The following SPRR2G variants were observed in gnomAD, a reference collection of about 807,000 sequenced individuals.
The protein encoded by SPRR2G is small proline-rich protein 2G.
SPRR2G carries 1 observed loss-of-function variant against 0.7 expected under a neutral mutation model. The ratio of observed to expected loss-of-function variants is 1.49; its 90% CI spans 0.53 to 7.06. SPRR2G has a LOEUF of 7.06. SPRR2G is among the 30% of genes most tolerant of loss of function. The pLI, the probability that SPRR2G is intolerant of heterozygous loss-of-function variation, is 0.14. For missense variants in SPRR2G, 96 were observed against 88.5 expected, an observed-to-expected ratio of 1.09 and a Z score of -0.34; for synonymous variants, 38 against 33.9, an observed-to-expected ratio of 1.12 and a Z score of -0.42.
chr1:153,163,306 G>T, the SPRR2G span, among the ~76,000 whole-genome samples: 3 of 152,172 alleles, frequency 2.0e-5, no homozygotes, highest in Non-Finnish European at 2.9e-5. Context: ...TATCTCATAG[G>T]TGAGGTTAAA....
the SPRR2G span, among the ~76,000 whole-genome samples, chr1:153,200,803 G>A: frequency 0.085 from 12,917 of 151,732 alleles, 591 homozygotes; most frequent in Middle Eastern, 0.25. Flanking sequence ...AGGTTCAAGC[G>A]ATTCTTCTGC....
chr1:153,192,048 G>T, the SPRR2G span, among the ~76,000 whole-genome samples: 1 of 152,244 alleles, frequency 6.6e-6, no homozygotes, highest in African/African-American at 2.4e-5. Flanking sequence ...GCTCACTAGA[G>T]AAGCCTCCTC....
At chr1:153,167,013 C>T in the SPRR2G span, among the ~76,000 whole-genome samples, 1 of 152,136 alleles carries the variant, frequency 6.6e-6, no homozygotes. Context: ...GATCCAGAAC[C>T]ATGGCATAAT....
chr1:153,161,884 C>G, the SPRR2G span, among the ~76,000 whole-genome samples: 1 of 152,218 alleles, frequency 6.6e-6, no homozygotes, highest in African/African-American at 2.4e-5. Flanking sequence ...GGTAATTGAC[C>G]TTTCTAAATT....
chr1:153,162,434 A>G, the SPRR2G span, among the ~76,000 whole-genome samples: 76,406 of 152,064 alleles, frequency 0.5, 19,661 homozygotes, highest in Non-Finnish European at 0.57. Flanking sequence ...GCTACCCAGA[A>G]TAACCCAAAC....
chr1:153,151,578 C>A (rs1363431106), upstream of SPRR2G, among the ~76,000 whole-genome samples: 1 of 152,222 alleles, frequency 6.6e-6, no homozygotes, highest in Non-Finnish European at 1.5e-5. Flanking sequence ...AACCTCATCT[C>A]TGTGGCCCTT....
the SPRR2G span, among the ~76,000 whole-genome samples, chr1:153,172,940 CATAA>C: frequency 6.6e-6 from 1 of 152,128 alleles, no homozygotes; most frequent in Non-Finnish European, 1.5e-5. Flanking sequence ...TAGTTAAGTG[CATAA>C]ATAGACAGGC....
chr1:153,152,474 C>CA (rs374558056), upstream of SPRR2G, among the ~76,000 whole-genome samples: 190 of 151,708 alleles, frequency 1.3e-3, no homozygotes, highest in African/African-American at 4.1e-3. Flanking sequence ...AGTAGAGAAA[C>CA]AAAAAAAACT....
the SPRR2G span, among the ~76,000 whole-genome samples, chr1:153,195,003 T>G: frequency 6.6e-6 from 1 of 152,286 alleles, no homozygotes; most frequent in South Asian, 2.1e-4. Context: ...TATCTCCTGT[T>G]TTTTGCAGTG....
At chr1:153,174,903 T>TA in the SPRR2G span, among the ~76,000 whole-genome samples, 11 of 151,838 alleles carry the variant, frequency 7.2e-5, no homozygotes, top group African/African-American at 2.4e-4. Context: ...TGCTGGGCTT[T>TA]AAAAAAAAGA....
At chr1:153,199,490 T>C in the SPRR2G span, among the ~76,000 whole-genome samples, 2 of 152,212 alleles carry the variant, frequency 1.3e-5, no homozygotes, top group African/African-American at 4.8e-5. Flanking sequence ...AAAGCTCCTA[T>C]GCCAGTTCAC....
the SPRR2G span, among the ~76,000 whole-genome samples, chr1:153,159,868 G>A: frequency 5.9e-5 from 9 of 152,150 alleles, no homozygotes; most frequent in Admixed American, 2.0e-4. Context: ...AATTGCCTCC[G>A]TGATCCAATC....
the SPRR2G span, among the ~76,000 whole-genome samples, chr1:153,158,994 G>T: frequency 6.6e-6 from 1 of 152,158 alleles, no homozygotes; most frequent in East Asian, 1.9e-4. Context: ...CCTGGGCCTG[G>T]CCCACTAAAC....
chr1:153,150,822 G>C (rs1337269816), intron 1 of SPRR2G, 30 bp downstream of exon 1: 1 of 153,060 alleles, frequency 6.5e-6, no homozygotes, highest in Non-Finnish European at 1.5e-5. Context: ...CCATCCAAGT[G>C]CAAGAAAAGC....
At chr1:153,175,233 A>G in the SPRR2G span, among the ~76,000 whole-genome samples, 1 of 152,182 alleles carries the variant, frequency 6.6e-6, no homozygotes, top group African/African-American at 2.4e-5. Context: ...CCAATCCCCT[A>G]TAAGCTAAAC....
chr1:153,167,343 T>A, the SPRR2G span, among the ~76,000 whole-genome samples: 1,403 of 151,784 alleles, frequency 9.2e-3, 55 homozygotes, highest in East Asian at 0.11. Context: ...GCGTGGTGGC[T>A]CATGCCTGTA....
At chr1:153,155,620 G>A (rs944901296), upstream of SPRR2G, among the ~76,000 whole-genome samples, 1 of 152,106 alleles carries the variant, frequency 6.6e-6, no homozygotes, top group African/African-American at 2.4e-5. Flanking sequence ...TCACTTGCAT[G>A]CTTAAAATAC....
the SPRR2G span, among the ~76,000 whole-genome samples, chr1:153,181,641 G>T: frequency 0.021 from 3,224 of 151,636 alleles, 250 homozygotes; most frequent in Admixed American, 0.15. Flanking sequence ...ACCATTTTTA[G>T]CTCCCACATA....
chr1:153,190,362 A>T, the SPRR2G span: 1 of 152,336 alleles, frequency 6.6e-6, no homozygotes, highest in African/African-American at 2.4e-5. Context: ...AATAATAGGG[A>T]CCACCACACA....
Sources: allele counts gnomAD v4.1 joint callset (sites outside exome capture counted in the v4.1 genomes callset), GRCh38; gene constraint gnomAD v4.1.1; transcripts MANE v1.5; gene names NCBI Gene and HGNC (gene_info 2026-07-23, HGNC 2026-07-21).